Variants in THSD7B observed in about 807,000 individuals in gnomAD.
THSD7B encodes thrombospondin type-1 domain-containing protein 7B.
A neutral mutation model predicts 213.6 loss-of-function variants in THSD7B; 138 were observed. The ratio of observed to expected loss-of-function variants is 0.65; its 90% CI spans 0.56 to 0.74. The LOEUF (loss-of-function observed/expected upper bound fraction) is 0.74, where lower values mean the gene tolerates loss of function less well. THSD7B is among the 30% of genes least tolerant of loss of function. The probability of loss-of-function intolerance (pLI) is 0.00; values close to 1 mark genes in which losing one functional copy is unlikely to be tolerated. For missense variants in THSD7B, 1,931 were observed against 1,991.5 expected (o/e 0.97, Z 0.58); for synonymous variants, 742 against 687.0 (o/e 1.08, Z -1.25).
At chr2:136,829,902 C>T (rs558893660) in intron 1 of THSD7B, among the ~76,000 whole-genome samples, 1 of 152,216 alleles carries the variant, frequency 6.6e-6, no homozygotes, top group African/African-American at 2.4e-5. Flanking sequence ...CATGCCTTTA[C>T]AAATATCCTT....
rs574099202 is a variant in THSD7B at position 137,658,139 on chromosome 2, C to T, written c.4375+979C>T. Among the ~76,000 whole-genome samples the T allele has an allele frequency of 2.7e-4, 41 of 152,298 alleles. No individual in the cohort carries two copies. In the South Asian group the frequency reaches 5.4e-3, roughly 20 times the overall value. ...TATAGGAATAGAAGTATTGTCAGCT[C>T]CTCCTTTTTCTTGTTTACTTGCTCT... On this transcript the variant is annotated intron_variant, in intron 24 of 27. Coordinates refer to ENST00000409968, the MANE Select transcript of THSD7B (RefSeq NM_001316349.2).
chr2:137,037,971 T>G (rs764905943), intron 2 of THSD7B, among the ~76,000 whole-genome samples: 2 of 85,152 alleles, frequency 2.3e-5, no homozygotes, highest in Admixed American at 1.4e-4. Flanking sequence ...TCATGTAATG[T>G]TTAGCAAAAA....
At chr2:137,112,215 G>A (rs1490010286) in intron 4 of THSD7B, among the ~76,000 whole-genome samples, 1 of 151,962 alleles carries the variant, frequency 6.6e-6, no homozygotes, top group Admixed American at 6.6e-5. Context: ...GTGACTAAAC[G>A]TAGATAGGGC....
At chr2:137,673,842 C>T (rs1023912669) in intron 27 of THSD7B, among the ~76,000 whole-genome samples, 26 of 152,042 alleles carry the variant, frequency 1.7e-4, no homozygotes, top group Admixed American at 7.2e-4. Flanking sequence ...CTCATGTATT[C>T]GTAACTGTGA....
chr2:136,958,768 C>T (rs944557030), intron 2 of THSD7B, among the ~76,000 whole-genome samples: 5 of 152,162 alleles, frequency 3.3e-5, no homozygotes, highest in African/African-American at 1.2e-4. Context: ...TTAGATCAAG[C>T]TTATTAGATC....
intron 2 of THSD7B, among the ~76,000 whole-genome samples, chr2:136,969,898 G>A (rs1174375897): frequency 6.6e-6 from 1 of 152,066 alleles, no homozygotes; most frequent in Non-Finnish European, 1.5e-5. Context: ...TCCAATTGAG[G>A]GAAGCTTCCA....
intron 17 of THSD7B, among the ~76,000 whole-genome samples, chr2:137,597,745 C>A (rs913686603): frequency 1.3e-5 from 2 of 152,108 alleles, no homozygotes; most frequent in Non-Finnish European, 2.9e-5. Flanking sequence ...AAGGGCAATG[C>A]CCTGTGCACT....
chr2:137,053,138 C>A (rs937253813), intron 2 of THSD7B, among the ~76,000 whole-genome samples: 9 of 152,042 alleles, frequency 5.9e-5, no homozygotes, highest in African/African-American at 2.2e-4. Context: ...TACATACTGC[C>A]TTCATTACCT....
At chr2:136,987,985 T>C (rs538231504) in intron 2 of THSD7B, among the ~76,000 whole-genome samples, 1 of 152,326 alleles carries the variant, frequency 6.6e-6, no homozygotes, top group South Asian at 2.1e-4. Context: ...AGTCCAAATG[T>C]TTATTTTTAA....
chr2:136,903,925 G>GGTGTGTGTGTGT (rs775988420), intron 2 of THSD7B, among the ~76,000 whole-genome samples: 4 of 108,824 alleles, frequency 3.7e-5, no homozygotes, highest in African/African-American at 1.4e-4. Context: ...CTTCCTGTGA[G>GGTGTGTGTGTGT]GTGTGTGTGT....
chr2:137,494,055 C>T (rs1421788381), intron 15 of THSD7B, among the ~76,000 whole-genome samples: 1 of 152,160 alleles, frequency 6.6e-6, no homozygotes, highest in Non-Finnish European at 1.5e-5. Flanking sequence ...AATCAATCTT[C>T]CTGCCTCTTG....
intron 12 of THSD7B, among the ~76,000 whole-genome samples, chr2:137,292,690 T>C (rs993848877): frequency 2.0e-5 from 3 of 152,132 alleles, no homozygotes; most frequent in Non-Finnish European, 4.4e-5. Context: ...CCATATTAGA[T>C]TATTTATTCC....
At chr2:136,945,487 T>A (rs1025203356) in intron 2 of THSD7B, among the ~76,000 whole-genome samples, 2 of 152,180 alleles carry the variant, frequency 1.3e-5, no homozygotes, top group African/African-American at 4.8e-5. Flanking sequence ...TGTGGTATTC[T>A]CTGTATTTCC....
At chr2:137,586,181 T>A (rs1681722107) in intron 17 of THSD7B, among the ~76,000 whole-genome samples, 1 of 152,178 alleles carries the variant, frequency 6.6e-6, no homozygotes, top group Admixed American at 6.5e-5. Context: ...TGTTTTCCAT[T>A]TGCTTGGTAG....
intron 2 of THSD7B, among the ~76,000 whole-genome samples, chr2:137,054,249 G>A (rs1687119567): frequency 6.6e-6 from 1 of 152,172 alleles, no homozygotes. Context: ...GCAAACTCAG[G>A]GGCATTTTGG....
At chr2:137,478,622 T>C (rs1281203070) in intron 15 of THSD7B, among the ~76,000 whole-genome samples, 1 of 152,214 alleles carries the variant, frequency 6.6e-6, no homozygotes, top group Non-Finnish European at 1.5e-5. Context: ...AGGTGTCATG[T>C]TCTCTTGCTT....
At chr2:136,861,241 C>G (rs942177377) in intron 1 of THSD7B, among the ~76,000 whole-genome samples, 1 of 152,166 alleles carries the variant, frequency 6.6e-6, no homozygotes, top group Non-Finnish European at 1.5e-5. Flanking sequence ...AGGCAAAAGT[C>G]TCATTTTAGG....
chr2:137,571,257 T>G (rs1198668122), intron 16 of THSD7B, among the ~76,000 whole-genome samples: 2 of 152,220 alleles, frequency 1.3e-5, no homozygotes, highest in African/African-American at 4.8e-5. Flanking sequence ...ATTATATTTT[T>G]GACTGTCACT....
chr2:136,931,594 G>A (rs1267382881), intron 2 of THSD7B, among the ~76,000 whole-genome samples: 1 of 152,108 alleles, frequency 6.6e-6, no homozygotes, highest in Non-Finnish European at 1.5e-5. Flanking sequence ...GTGGGAAGTT[G>A]ACTTTTTGCT....
Sources: gnomAD v4.1 joint callset for allele counts (sites outside exome capture counted in the v4.1 genomes callset) on GRCh38, gnomAD v4.1.1 for gene constraint, MANE v1.5 for transcripts, NCBI Gene and HGNC (gene_info 2026-07-23, HGNC 2026-07-21) for gene names.